CEP350: variants seen among roughly 807,000 people sequenced by gnomAD.
CEP350 encodes the protein centrosome-associated protein 350.
A neutral mutation model predicts 331.8 loss-of-function variants in CEP350; 126 were observed. The ratio of observed to expected loss-of-function variants is 0.38; its 90% CI spans 0.33 to 0.44. The LOEUF is 0.44. CEP350 is among the 20% of genes least tolerant of loss of function. The probability of loss-of-function intolerance (pLI) is 1.00; values close to 1 mark genes in which losing one functional copy is unlikely to be tolerated. For synonymous variants in CEP350, 1,200 were observed against 1,259.5 expected (o/e 0.95, Z 1.00); for missense variants, 3,406 against 3,634.6 (o/e 0.94, Z 1.62).
intron 10 of CEP350, 86 bp downstream of exon 10, chr1:180,014,591 C>A (rs558286446): frequency 8.9e-5 from 110 of 1,231,210 alleles, no homozygotes; most frequent in Non-Finnish European, 1.1e-4. Context: ...ACCCATCATT[C>A]CTAGTATGCT....
Position 180,093,214 on chromosome 1 carries a change from C to G in CEP350, c.7109C>G (p.Pro2370Arg). 6.2e-7 allele frequency: 1 copy of G among 1,601,214 alleles called. No homozygotes were observed. Among genetic ancestry groups the G allele is most frequent in the Admixed American group, 1.7e-5 (1 of 57,746 alleles). Reference sequence around the variant, plus strand: ...TCTTGGTCAGAACATCTTTTTGCTCCTAAAGAGATACCATACTCTGAAGAT... The same window carrying G: ...TCTTGGTCAGAACATCTTTTTGCTCGTAAAGAGATACCATACTCTGAAGAT... ...DLSWSEHLFAPKEIPYSEDFE... is the reference protein window; with the variant it reads ...DLSWSEHLFARKEIPYSEDFE... Residue 2370 changes from proline (P) to arginine (R), a missense_variant, in exon 34 of 38, where the codon CCT becomes CGT. This residue lies in a region of CEP350 where 1,415 missense variants were observed against 1,512.3 expected (regional missense o/e 0.94). Transcript: ENST00000367607.
chr1:180,012,643 A>T (rs1196023621), intron 9 of CEP350, among the ~76,000 whole-genome samples: 4 of 152,218 alleles, frequency 2.6e-5, no homozygotes, highest in Non-Finnish European at 5.9e-5. Context: ...TGGGATGTGA[A>T]ATATAAATAC....
chr1:180,086,031 T>G (rs1659839625), intron 31 of CEP350: 1 of 152,244 alleles, frequency 6.6e-6, no homozygotes, highest in African/African-American at 2.4e-5. Flanking sequence ...AACTAGGATT[T>G]TAATCTAGCT....
At chr1:180,031,565 A>AT in intron 15 of CEP350, 71 bp downstream of exon 15, 1 of 759,490 alleles carries the variant, frequency 1.3e-6, no homozygotes, top group Non-Finnish European at 1.8e-6. Flanking sequence ...AAATCCATAT[A>AT]ATGAATTTTA....
chr1:180,070,556 A>T (rs73036409), intron 27 of CEP350, among the ~76,000 whole-genome samples: 2,551 of 152,266 alleles, frequency 0.017, 74 homozygotes, highest in African/African-American at 0.058. Flanking sequence ...ACATGAAGAA[A>T]TTGAGGCCCA....
At chr1:180,007,071 T>G (rs1042549098) in intron 8 of CEP350, among the ~76,000 whole-genome samples, 1 of 152,190 alleles carries the variant, frequency 6.6e-6, no homozygotes, top group Non-Finnish European at 1.5e-5. Flanking sequence ...AATAAACATA[T>G]GTGTGCATGT....
chr1:180,007,370 GT>G (rs1433276001), intron 8 of CEP350, among the ~76,000 whole-genome samples: 3 of 151,792 alleles, frequency 2.0e-5, no homozygotes, highest in South Asian at 2.1e-4. Flanking sequence ...GTGATGATGG[GT>G]TTTTTTTCAT....
chr1:179,978,690 ATGT>A (rs1652058301), intron 1 of CEP350, among the ~76,000 whole-genome samples: 1 of 152,026 alleles, frequency 6.6e-6, no homozygotes, highest in Admixed American at 6.6e-5. Flanking sequence ...AGGCTCATCC[ATGT>A]TGTTGTAAAT....
At chr1:180,071,698 G>A (rs1199897185) in intron 27 of CEP350, among the ~76,000 whole-genome samples, 5 of 151,778 alleles carry the variant, frequency 3.3e-5, no homozygotes, top group African/African-American at 9.7e-5. Flanking sequence ...CAAGAGAGTC[G>A]CTGAACCTGG....
intron 1 of CEP350, among the ~76,000 whole-genome samples, chr1:179,962,125 G>T (rs1163203996): frequency 6.6e-6 from 1 of 152,148 alleles, no homozygotes; most frequent in Non-Finnish European, 1.5e-5. Context: ...GGTATTACAG[G>T]CGTGAGCCAC....
intron 37 of CEP350, among the ~76,000 whole-genome samples, chr1:180,102,285 GCCA>G (rs1174254773): frequency 2.0e-5 from 3 of 152,068 alleles, no homozygotes; most frequent in Non-Finnish European, 4.4e-5. Flanking sequence ...AGAGGCGCAT[GCCA>G]CCATGCCTGG....
At chr1:180,053,207 A>C in intron 23 of CEP350, 41 bp downstream of exon 23, 1 of 1,173,036 alleles carries the variant, frequency 8.5e-7, no homozygotes, top group Non-Finnish European at 1.2e-6. Flanking sequence ...GGTTGTGGAT[A>C]TGTTCTCTCA....
chr1:180,053,184 T>C lies in CEP350; in HGVS notation c.4989+18T>C, dbSNP rs1657616130. 6.8e-7 allele frequency: 1 copy of C among 1,460,132 alleles called. No individual in the cohort carries two copies. The allele number at this position is 1,460,132 out of a possible 1,614,324, so 90.4% of individuals were successfully genotyped here. A position where few individuals can be genotyped will look rare whatever the true frequency, so the allele number is the denominator to read the frequency against. ...CTGCCAAGGTGTGTTTCACTTTATC[T>C]GTGGAGGTAAATGGTTGTGGATATG... On this transcript the variant is annotated intron_variant, in intron 23 of 37. Transcript: ENST00000367607.
intron 5 of CEP350, among the ~76,000 whole-genome samples, chr1:179,994,444 T>TTTTC (rs1284271591): frequency 6.7e-6 from 1 of 150,328 alleles, no homozygotes; most frequent in Non-Finnish European, 1.5e-5. Context: ...TTCTTTTCTT[T>TTTTC]TTTCTTTCTT....
chr1:180,112,234 A>G lies in CEP350; in HGVS notation c.*1073A>G, dbSNP rs1661498609. 1 of 152,640 alleles carries G rather than the reference A, an allele frequency of 6.6e-6. No individual in the cohort carries two copies. The allele number at this position is 152,640 out of a possible 1,614,324, so 9.5% of individuals were successfully genotyped here. On this transcript the variant is annotated 3_prime_UTR_variant, in exon 38 of 38. Coordinates refer to ENST00000367607, the MANE Select transcript of CEP350 (RefSeq NM_014810.5). ...TTCAGAAGTGAAAGATTCATCTTGT[A>G]ATAGTTAAACCTCCATCTTGAAGCT...
At chr1:180,037,411 G>GGTTTTTT (rs1444222858) in intron 17 of CEP350, among the ~76,000 whole-genome samples, 1 of 139,788 alleles carries the variant, frequency 7.2e-6, no homozygotes. Context: ...AATACTGAGG[G>GGTTTTTT]TTTTTTTTTT....
Position 180,109,180 on chromosome 1 carries a change from G to A in CEP350, c.9190-1817G>A, listed in dbSNP as rs564180866. Among the ~76,000 whole-genome samples, 14 of 149,478 alleles carry A rather than the reference G, an allele frequency of 9.4e-5. No individual in the cohort carries two copies. The East Asian group carries it at 2.2e-3, about 23-fold the overall frequency. ...GTCGCCTAGGCTGGAGTGCAGTGGC[G>A]CAATCTTGGCTCACTGCAACCTCCG... On this transcript the variant is annotated intron_variant, in intron 37 of 37. Coordinates refer to ENST00000367607, the MANE Select transcript of CEP350 (RefSeq NM_014810.5).
chr1:180,076,046 C>A (rs932521369), intron 28 of CEP350, among the ~76,000 whole-genome samples: 2 of 151,792 alleles, frequency 1.3e-5, no homozygotes, highest in Non-Finnish European at 2.9e-5. Context: ...ATACAACTTA[C>A]CAAAGCTTAC....
At chr1:180,044,749 G>C (rs1172092561) in intron 21 of CEP350, among the ~76,000 whole-genome samples, 1 of 150,748 alleles carries the variant, frequency 6.6e-6, no homozygotes, top group Non-Finnish European at 1.5e-5. Flanking sequence ...AATGGGTGCA[G>C]CACACCAACA....
Sources: gnomAD v4.1 joint callset for allele counts (sites outside exome capture counted in the v4.1 genomes callset) on GRCh38, gnomAD v4.1.1 for gene constraint, gnomAD v4.1.1 regional missense constraint, MANE v1.5 for transcripts, NCBI Gene and HGNC (gene_info 2026-07-23, HGNC 2026-07-21) for gene names.